Variants in BICRAL observed in about 807,000 individuals in gnomAD.
BICRAL encodes the protein BICRA like chromatin remodeling complex associated protein.
A neutral mutation model predicts 91.8 loss-of-function variants in BICRAL; 8 were observed. That is an observed-to-expected ratio of 0.09 (90% CI 0.05 to 0.16). BICRAL has a LOEUF of 0.16. BICRAL is among the 10% of genes least tolerant of loss of function. The pLI is 1.00. For synonymous variants in BICRAL, 445 were observed against 491.1 expected, an observed-to-expected ratio of 0.91 and a Z score of 1.24; for missense variants, 1,038 against 1,310.9, an observed-to-expected ratio of 0.79 and a Z score of 3.21.
chr6:42,784,299 A>C (rs1438109396), intron 1 of BICRAL, among the ~76,000 whole-genome samples: 3 of 152,178 alleles, frequency 2.0e-5, no homozygotes, highest in Admixed American at 2.0e-4. Context: ...TATCTATTAG[A>C]GATGGGGGAG....
chr6:42,828,943 A>G lies in BICRAL; in HGVS notation c.610A>G (p.Ser204Gly). 8.1e-6 allele frequency: 13 copies of G among 1,614,152 alleles called. No individual in the cohort carries two copies. Among genetic ancestry groups the G allele is most frequent in the Non-Finnish European group, 1.1e-5 (13 of 1,179,984 alleles). The change falls in exon 6 of 13, where the codon AGC (serine) becomes GGC (glycine). Residue 204 changes from serine (S) to glycine (G), a missense_variant. Ser to Gly is a moderately conservative substitution (Grantham distance 56). Around this residue, in one of 5 missense-constraint regions of BICRAL, gnomAD observed 532 missense variants for 724.9 expected, o/e 0.73. Transcript: ENST00000314073. Reference protein sequence around the residue: ...ISVPSQHLSNSSQISGSGQIQ... With the variant: ...ISVPSQHLSNGSQISGSGQIQ... ...TGTTCCCAGCCAGCATTTGTCTAATAGCAGTCAGATTAGTGGTTCTGGTCA... is the reference window on the plus strand; with the variant it reads ...TGTTCCCAGCCAGCATTTGTCTAATGGCAGTCAGATTAGTGGTTCTGGTCA...
At chr6:42,847,190 C>T (rs1562492126) in intron 6 of BICRAL, among the ~76,000 whole-genome samples, 1 of 152,100 alleles carries the variant, frequency 6.6e-6, no homozygotes, top group South Asian at 2.1e-4. Context: ...GCAGAGGTTG[C>T]AGTGAGCTAA....
rs35206768 is a variant in BICRAL, at chr6:42,842,856, ATT to A, written c.1840-9221_1840-9220del. ...GATAAGCCAACAGTCAGAACACAGT[ATT>A]TTTTTTTTTTTTTTAGATGGAGTCT... On this transcript the variant is annotated intron_variant, in intron 6 of 12. Transcript: ENST00000314073. Among the ~76,000 whole-genome samples the A allele has an allele frequency of 6.3e-3, 899 of 142,360 alleles. 10 individuals are homozygous for A. The highest frequency in any genetic ancestry group is 0.022 in the African/African-American group (852 of 38,770). 93.4% of individuals were successfully genotyped at this position (142,360 alleles called of 152,430 possible). A position where few individuals can be genotyped will look rare whatever the true frequency, so the allele number is the denominator to read the frequency against.
rs1255844125 is a variant in BICRAL, at chr6:42,827,155, A to G, written c.160-1338A>G. On this transcript the variant is annotated intron_variant, in intron 5 of 12. Transcript: ENST00000314073. The stretch of plus-strand genomic sequence containing the variant: ...AGAGGGTGGTTAACATTAGTTGACT[A>G]TACTGTTGAACTCACTTGGTATGGT... 2.0e-5 allele frequency among the ~76,000 whole-genome samples: 3 copies of G among 152,218 alleles called. No homozygotes were observed. In the East Asian group the frequency reaches 5.8e-4, roughly 29 times the overall value.
intron 1 of BICRAL, among the ~76,000 whole-genome samples, chr6:42,798,115 A>C (rs898372137): frequency 6.6e-6 from 1 of 152,152 alleles, no homozygotes; most frequent in Non-Finnish European, 1.5e-5. Flanking sequence ...ACATGTTCTC[A>C]CTAATAAGTA....
intron 1 of BICRAL, among the ~76,000 whole-genome samples, chr6:42,809,430 ATT>A (rs989054840): frequency 8.9e-5 from 10 of 111,918 alleles, no homozygotes; most frequent in Admixed American, 3.9e-4. Flanking sequence ...AACTATGAGA[ATT>A]TTTTTTTTTT....
intron 1 of BICRAL, among the ~76,000 whole-genome samples, chr6:42,785,034 T>C (rs978861436): frequency 6.6e-6 from 1 of 152,172 alleles, no homozygotes; most frequent in Non-Finnish European, 1.5e-5. Flanking sequence ...AATTTTGAGT[T>C]TCAGTAGTTT....
At chr6:42,779,044 C>T (rs1437081887), upstream of BICRAL, among the ~76,000 whole-genome samples, 3 of 151,446 alleles carry the variant, frequency 2.0e-5, no homozygotes, top group Non-Finnish European at 2.9e-5. Context: ...TCAGGCTGGA[C>T]CCGTCTCTAA....
At chr6:42,760,037 G>A (rs1387850184) in intron 1 of BICRAL, among the ~76,000 whole-genome samples, 1 of 152,134 alleles carries the variant, frequency 6.6e-6, no homozygotes, top group Non-Finnish European at 1.5e-5. Flanking sequence ...CTGAGGTCAG[G>A]AGTTCGAGAC....
chr6:42,866,950 T>G lies in BICRAL; in HGVS notation c.*1504T>G, dbSNP rs1765723752. 1 of 445,518 alleles carries G rather than the reference T, an allele frequency of 2.2e-6. No individual in the cohort carries two copies. Among genetic ancestry groups the G allele is most frequent in the Non-Finnish European group, 4.5e-6 (1 of 220,864 alleles). 27.6% of individuals were successfully genotyped at this position (445,518 alleles called of 1,614,324 possible). A position where few individuals can be genotyped will look rare whatever the true frequency, so the allele number is the denominator to read the frequency against. ...TACACACACGTGCATGTATCTGAGC[T>G]GCTCGGATCCAGAGGTCATTTTTGT... On this transcript the variant is annotated 3_prime_UTR_variant, in exon 13 of 13. Coordinates refer to ENST00000314073, the MANE Select transcript of BICRAL (RefSeq NM_001393499.1).
intron 1 of BICRAL, among the ~76,000 whole-genome samples, chr6:42,795,200 G>A (rs1301296961): frequency 6.6e-6 from 1 of 152,184 alleles, no homozygotes; most frequent in Non-Finnish European, 1.5e-5. Flanking sequence ...GGGAGGCCAA[G>A]ACTGGTGGAT....
At chr6:42,806,696 G>T (rs1186669326) in intron 1 of BICRAL, among the ~76,000 whole-genome samples, 1 of 150,710 alleles carries the variant, frequency 6.6e-6, no homozygotes, top group African/African-American at 2.4e-5. Context: ...TATTTTTTTA[G>T]TAGAGACAGG....
intron 2 of BICRAL, among the ~76,000 whole-genome samples, chr6:42,817,950 TAGAG>T (rs977298024): frequency 3.5e-5 from 4 of 114,246 alleles, no homozygotes; most frequent in Non-Finnish European, 6.8e-5. Context: ...CTGGGCAACA[TAGAG>T]AGACCCTATC....
At chr6:42,789,649 A>G (rs1763209987) in intron 1 of BICRAL, among the ~76,000 whole-genome samples, 1 of 152,112 alleles carries the variant, frequency 6.6e-6, no homozygotes, top group Non-Finnish European at 1.5e-5. Context: ...CAAAAAAAAA[A>G]AAAAAAAGAA....
At chr6:42,769,532 A>C (rs1418611734) in intron 1 of BICRAL, among the ~76,000 whole-genome samples, 1 of 152,192 alleles carries the variant, frequency 6.6e-6, no homozygotes, top group Non-Finnish European at 1.5e-5. Flanking sequence ...TCTGGTCAAG[A>C]AACATTCCTT....
intron 12 of BICRAL, among the ~76,000 whole-genome samples, chr6:42,863,900 A>G (rs1765629312): frequency 6.6e-6 from 1 of 152,102 alleles, no homozygotes; most frequent in South Asian, 2.1e-4. Context: ...GTGGTGGGTC[A>G]CGCCTGTAAT....
chr6:42,787,227 T>C (rs1476022636), intron 1 of BICRAL, among the ~76,000 whole-genome samples: 1 of 152,128 alleles, frequency 6.6e-6, no homozygotes, highest in Non-Finnish European at 1.5e-5. Context: ...GGTTGCAGGC[T>C]CCAGCCTTGG....
intron 5 of BICRAL, among the ~76,000 whole-genome samples, chr6:42,823,771 A>C (rs1478491450): frequency 6.6e-6 from 1 of 151,888 alleles, no homozygotes; most frequent in African/African-American, 2.4e-5. Flanking sequence ...AAAATACAAA[A>C]AAAAATTGCC....
Position 42,830,036 on chromosome 6 carries a change from G to C in BICRAL, c.1703G>C (p.Gly568Ala), listed in dbSNP as rs775769988. The C allele has an allele frequency of 6.2e-7, 1 of 1,614,046 alleles. No homozygotes were observed. The highest frequency in any genetic ancestry group is 8.5e-7 in the Non-Finnish European group (1 of 1,179,960). Residue 568 changes from glycine (G) to alanine (A), a missense_variant, in exon 6 of 13, where the codon GGA becomes GCA. Gly to Ala is a moderately conservative substitution (Grantham distance 60). Transcript: ENST00000314073. ...QSGSSGSNFT[G>A]DQLTQPNRTP... ...GGTTCATCAGGATCAAACTTTACAGGAGATCAGCTGACCCAGCCAAACAGG... is the reference window on the plus strand; with the variant it reads ...GGTTCATCAGGATCAAACTTTACAGCAGATCAGCTGACCCAGCCAAACAGG...
Sources: allele counts gnomAD v4.1 joint callset (sites outside exome capture counted in the v4.1 genomes callset), GRCh38; gene constraint gnomAD v4.1.1; regional missense constraint gnomAD v4.1.1; transcripts MANE v1.5; gene names NCBI Gene and HGNC (gene_info 2026-07-23, HGNC 2026-07-21).